Variants in CCDC88B observed in about 807,000 individuals in gnomAD.
The protein encoded by CCDC88B is coiled-coil domain-containing protein 88B.
In CCDC88B, 138 loss-of-function variants were observed where a neutral mutation model predicts 183.7. That is an observed-to-expected ratio of 0.75 (90% CI 0.65 to 0.87). The LOEUF is 0.87. CCDC88B is among the 40% of genes least tolerant of loss of function. CCDC88B has a pLI of 0.00. For missense variants in CCDC88B, 1,822 were observed against 1,965.6 expected (o/e 0.93, Z 1.38); for synonymous variants, 835 against 867.5 (o/e 0.96, Z 0.66).
chr11:64,344,645 T>C lies in CCDC88B; in HGVS notation c.2104T>C (p.Ser702Pro). ...AGCCTGGCAAAAACCACAGCAGAAG[T>C]CAGAAGGGGCTCTTGAGGTCCAGGT... The part of the protein sequence containing the change: ...DPAWQKPQQK[S>P]EGALEVQVWE... The change falls in exon 14 of 27, where the codon TCA becomes CCA. Residue 702 changes from serine to proline, a missense_variant. Physicochemically the swap from Ser to Pro is moderately conservative, Grantham distance 74. Coordinates refer to ENST00000356786, the MANE Select transcript of CCDC88B (RefSeq NM_032251.6). The surrounding 1 kb of genome is among the most constrained non-coding windows in gnomAD (Gnocchi z 4.5). The C allele has an allele frequency of 3.7e-6, 6 of 1,613,320 alleles. No homozygotes were observed. Among genetic ancestry groups the C allele is most frequent in the Non-Finnish European group, 5.1e-6 (6 of 1,179,770 alleles).
chr11:64,341,198 C>T lies in CCDC88B; in HGVS notation c.388+20C>T. 5 of 1,614,082 alleles carry T rather than the reference C, an allele frequency of 3.1e-6. No individual in the cohort carries two copies. In the South Asian group the frequency reaches 4.4e-5, roughly 14 times the overall value. On this transcript the variant is annotated intron_variant, in intron 4 of 26. Coordinates refer to ENST00000356786, the MANE Select transcript of CCDC88B (RefSeq NM_032251.6). ...TCTCAGGTGCTCTCCCCACCCACAC[C>T]CTCCTGCCTCTGCCCCCGCACTACT...
chr11:64,344,547 G>A lies in CCDC88B; in HGVS notation c.2006G>A (p.Gly669Asp), dbSNP rs368841613. The A allele has an allele frequency of 1.1e-3, 1,738 of 1,604,844 alleles. 38 individuals are homozygous for A. The South Asian group carries it at 0.018, about 17-fold the overall frequency. ...GAGGAGCAGGAGGGCCCAAACCAGG[G>A]CCTGGACCTGGCCACGGGACAAGCA... ...QLEEQEGPNQ[G>D]LDLATGQAEA... is the part of the protein sequence containing the mutation. The change falls in exon 14 of 27, where the codon GGC becomes GAC. Residue 669 changes from glycine (G) to aspartate (D), a missense_variant. By Grantham distance (94) the Gly-to-Asp change is moderately conservative (BLOSUM62 -1). Coordinates refer to ENST00000356786, the MANE Select transcript of CCDC88B (RefSeq NM_032251.6). This position sits in a 1 kb window ranked among gnomAD's most constrained non-coding sequence, Gnocchi z 4.5.
At chr11:64,352,006 T>C in intron 18 of CCDC88B, 124 bp from the exon 19 acceptor site, 2 of 1,366,406 alleles carry the variant, frequency 1.5e-6, no homozygotes, top group East Asian at 2.4e-5. Context: ...CCCCAGCCCT[T>C]TGCCTCCTCC....
At chr11:64,351,986 C>G in intron 18 of CCDC88B, 144 bp from the exon 19 acceptor site, 4 of 1,203,550 alleles carry the variant, frequency 3.3e-6, no homozygotes, top group Non-Finnish European at 3.5e-6. Flanking sequence ...GCTTGTACTG[C>G]CTGCTGTGCC....
At chr11:64,341,931 T>G (rs2035877746) in intron 7 of CCDC88B, 63 bp from the exon 8 acceptor site, 1 of 1,511,766 alleles carries the variant, frequency 6.6e-7, no homozygotes, top group Non-Finnish European at 9.0e-7. Context: ...GGTGTTGTGG[T>G]TGGGGGTCGA....
Position 64,355,308 on chromosome 11 carries a change from G to A in CCDC88B, c.4214G>A (p.Ser1405Asn). 1.3e-6 allele frequency: 2 copies of A among 1,595,760 alleles called. No individual in the cohort carries two copies. Among genetic ancestry groups the A allele is most frequent in the Non-Finnish European group, 8.5e-7 (1 of 1,171,832 alleles). ...AGCTCAAGGTTCCCGGTGGGGCGAA[G>A]CTCTGAGTCATTCAGCCCTGGGGAC... ...KLSSRFPVGR[S>N]SESFSPGDTP... The change falls in exon 25 of 27, where the codon AGC (serine) becomes AAC (asparagine). Residue 1405 changes from serine (S) to asparagine (N), a missense_variant. Physicochemically the swap from Ser to Asn is conservative, Grantham distance 46. Transcript: ENST00000356786.
chr11:64,346,736 G>A (rs1277267848), intron 14 of CCDC88B, among the ~76,000 whole-genome samples: 2 of 151,522 alleles, frequency 1.3e-5, no homozygotes, highest in African/African-American at 4.9e-5. Flanking sequence ...CACCGCGCCC[G>A]GCCAATTTTT....
intron 7 of CCDC88B, 89 bp downstream of exon 7, chr11:64,341,831 G>A: frequency 1.4e-6 from 2 of 1,444,654 alleles, no homozygotes; most frequent in Non-Finnish European, 9.2e-7. Context: ...GAAGTTTGGG[G>A]CCCAGGCATG....
At chr11:64,351,958 C>T (rs2036349136) in intron 18 of CCDC88B, among the ~76,000 whole-genome samples, 172 bp from the exon 19 acceptor site, 1 of 152,182 alleles carries the variant, frequency 6.6e-6, no homozygotes, top group South Asian at 2.1e-4. Context: ...CCCTGCTCAC[C>T]ATCAGCCTCT....
intron 14 of CCDC88B, among the ~76,000 whole-genome samples, chr11:64,347,000 T>C (rs2036138680): frequency 6.6e-6 from 1 of 151,642 alleles, no homozygotes; most frequent in Non-Finnish European, 1.5e-5. Context: ...TTCACCATGT[T>C]GGCCAGGATG....
chr11:64,348,868 C>T (rs1028779468), intron 14 of CCDC88B: 3 of 627,022 alleles, frequency 4.8e-6, no homozygotes, highest in East Asian at 2.8e-5. Context: ...CCCCAGCCCC[C>T]ACTGTCAGCT....
rs1266538194 is a variant in CCDC88B at position 64,342,652 on chromosome 11, C to T, written c.1034C>T (p.Ala345Val). 5 of 1,516,652 alleles carry T rather than the reference C, an allele frequency of 3.3e-6. No individual in the cohort carries two copies. The highest frequency in any genetic ancestry group is 2.8e-5 in the African/African-American group (2 of 71,950). 93.9% of individuals were successfully genotyped at this position (1,516,652 alleles called of 1,614,324 possible). ...AGGCGCTGCCGCGAGCGGCTGCAGG[C>T]GGCTGAGGCCTACAAGAGTCAGCTG... is the stretch of plus-strand genomic sequence containing the variant. ...ELRRCRERLQAAEAYKSQLEE... is the reference protein window; with the variant it reads ...ELRRCRERLQVAEAYKSQLEE... Residue 345 changes from alanine (A) to valine (V), a missense_variant, in exon 10 of 27, where the codon GCG (alanine) becomes GTG (valine). Transcript: ENST00000356786.
chr11:64,347,874 A>T (rs1215362570), intron 14 of CCDC88B, among the ~76,000 whole-genome samples: 1 of 151,988 alleles, frequency 6.6e-6, no homozygotes, highest in Admixed American at 6.6e-5. Flanking sequence ...AACATGGCAA[A>T]ACCCCAACTC....
intron 14 of CCDC88B, 27 bp from the exon 15 acceptor site, chr11:64,349,304 C>G (rs1387546221): frequency 1.9e-6 from 3 of 1,566,336 alleles, no homozygotes; most frequent in Middle Eastern, 2.1e-4. Flanking sequence ...TGCCCCCTTG[C>G]CCTGAGCCTG....
Position 64,340,204 on chromosome 11 carries a change from G to C in CCDC88B, c.-63G>C, listed in dbSNP as rs895171802. 3 of 1,115,676 alleles carry C rather than the reference G, an allele frequency of 2.7e-6. No homozygotes were observed. Among genetic ancestry groups the C allele is most frequent in the Non-Finnish European group, 3.5e-6 (3 of 859,890 alleles). 69.1% of individuals were successfully genotyped at this position (1,115,676 alleles called of 1,614,324 possible). On this transcript the variant is annotated 5_prime_UTR_variant, in exon 1 of 27. Transcript: ENST00000356786. ...CTGGCCCCGGGATCCCCCACTCGGG[G>C]ACTTCCTCTTCCTCTCAGGGCAGGT...
intron 1 of CCDC88B, 92 bp from the exon 2 acceptor site, chr11:64,340,515 G>A (rs2035790171): frequency 2.0e-6 from 3 of 1,517,088 alleles, no homozygotes; most frequent in Admixed American, 2.1e-5. Context: ...CTCAGAGGAC[G>A]GGTGAGAAGG....
chr11:64,346,100 C>G (rs1272727236), intron 14 of CCDC88B, among the ~76,000 whole-genome samples: 1 of 152,176 alleles, frequency 6.6e-6, no homozygotes, highest in Non-Finnish European at 1.5e-5. Flanking sequence ...ATGTGTTGGT[C>G]CTCCCTCCCC....
intron 26 of CCDC88B, chr11:64,356,094 C>T (rs1033397359): frequency 6.6e-6 from 1 of 151,476 alleles, no homozygotes; most frequent in African/African-American, 2.4e-5. Context: ...AAACGATTCT[C>T]CTGGCTCAGC....
chr11:64,340,652 G>C lies in CCDC88B; in HGVS notation c.106G>C (p.Gly36Arg), dbSNP rs147780757. 6,139 of 1,611,620 alleles carry C rather than the reference G, an allele frequency of 3.8e-3. 16 individuals carry two copies. Among genetic ancestry groups the C allele is most frequent in the Non-Finnish European group, 4.3e-3 (5,116 of 1,179,820 alleles). The change falls in exon 2 of 27, where the codon GGG becomes CGG. Residue 36 changes from glycine (G) to arginine (R), a missense_variant. By Grantham distance (125) the Gly-to-Arg change is moderately radical. Coordinates refer to ENST00000356786, the MANE Select transcript of CCDC88B (RefSeq NM_032251.6). ...GLVGEAEDSE[G>R]EEEEEEEEPP... ...GGTCGGGGAGGCGGAGGACTCGGAG[G>C]GGGAAGAAGAGGAAGAGGAGGAAGA... is the stretch of plus-strand genomic sequence containing the variant.
Sources: allele counts gnomAD v4.1 joint callset (sites outside exome capture counted in the v4.1 genomes callset), GRCh38; gene constraint gnomAD v4.1.1; non-coding constraint Gnocchi (gnomAD v3.1); transcripts MANE v1.5; gene names NCBI Gene and HGNC (gene_info 2026-07-23, HGNC 2026-07-21).